Variants in LRP1B observed in about 807,000 individuals in gnomAD.
The protein encoded by LRP1B is LDL receptor related protein 1B, also known as low-density lipoprotein receptor-related protein 1B.
Under a neutral mutation model 556.6 loss-of-function variants are expected in LRP1B, and 217 were observed. The ratio of observed to expected loss-of-function variants is 0.39; its 90% CI spans 0.35 to 0.44. The LOEUF is 0.44. Ranked by LOEUF, LRP1B falls within the 20% of genes least tolerant of loss-of-function variation. LRP1B has a pLI of 1.00. For synonymous variants in LRP1B, 2,047 were observed against 1,865.8 expected, an observed-to-expected ratio of 1.10 and a Z score of -2.50; for missense variants, 5,053 against 5,620.8, an observed-to-expected ratio of 0.90 and a Z score of 3.23.
At position 141,528,906 on chromosome 2, in the gene LRP1B, TAATA is replaced by T. The variant is rs1684782657; in HGVS notation, c.206-48377_206-48374del. Among the ~76,000 whole-genome samples the T allele has an allele frequency of 4.6e-5, 7 of 152,300 alleles. No homozygotes were observed. In the South Asian group the frequency reaches 1.2e-3, roughly 27 times the overall value. On this transcript the variant is annotated intron_variant, in intron 2 of 90. Transcript: ENST00000389484. ...CCACATATAAAGATCTTCTATTTAA[TAATA>T]AATAACAATTCTAACTGCATTTTGT... is the stretch of plus-strand genomic sequence containing the variant.
chr2:141,605,509 T>C (rs1687886764), intron 2 of LRP1B, among the ~76,000 whole-genome samples: 1 of 152,162 alleles, frequency 6.6e-6, no homozygotes, highest in Non-Finnish European at 1.5e-5. Context: ...CTGATACCTC[T>C]ATAGCTAAGT....
Position 140,630,858 on chromosome 2 carries a change from G to A in LRP1B, c.6800-29219C>T, listed in dbSNP as rs142967510. On this transcript the variant is annotated intron_variant, in intron 41 of 90. Transcript: ENST00000389484. ...AGTGTCTCACCTAAGGAGTTGGGAA[G>A]CTGAGGAAAACTTGTGAAGGTCACA... is the stretch of plus-strand genomic sequence containing the variant. Among the ~76,000 whole-genome samples, 464 of 152,280 alleles carry A rather than the reference G, an allele frequency of 3.0e-3. 2 individuals carry two copies. Among genetic ancestry groups the A allele is most frequent in the African/African-American group, 0.011 (450 of 41,554 alleles).
chr2:141,524,932 T>G (rs1684646323), intron 2 of LRP1B, among the ~76,000 whole-genome samples: 1 of 152,130 alleles, frequency 6.6e-6, no homozygotes, highest in East Asian at 1.9e-4. Context: ...AGAAAGAATC[T>G]AGTAATGAGC....
intron 66 of LRP1B, among the ~76,000 whole-genome samples, chr2:140,437,097 C>T (rs1686216015): frequency 6.6e-6 from 1 of 152,042 alleles, no homozygotes; most frequent in Admixed American, 6.6e-5. Flanking sequence ...AGCAGCAGCT[C>T]ATCAAGAATA....
intron 3 of LRP1B, among the ~76,000 whole-genome samples, chr2:141,269,051 A>G (rs1328089003): frequency 6.6e-6 from 1 of 152,212 alleles, no homozygotes; most frequent in African/African-American, 2.4e-5. Flanking sequence ...CCCCAGCTCC[A>G]GAGCCATGAT....
chr2:141,324,199 CAT>C (rs1687357484), intron 3 of LRP1B, among the ~76,000 whole-genome samples: 4 of 152,014 alleles, frequency 2.6e-5, no homozygotes, highest in Non-Finnish European at 5.9e-5. Context: ...CACATACACA[CAT>C]ACCTGAACAA....
At chr2:141,959,406 TC>T (rs2105051113) in intron 1 of LRP1B, among the ~76,000 whole-genome samples, 1 of 152,054 alleles carries the variant, frequency 6.6e-6, no homozygotes, top group African/African-American at 2.4e-5. Context: ...CAACTACCAT[TC>T]CTGGTGACTG....
intron 1 of LRP1B, among the ~76,000 whole-genome samples, chr2:141,890,378 G>GTATATATACATATGTATGTATTGTGTATA: frequency 8.0e-6 from 1 of 125,430 alleles, no homozygotes; most frequent in South Asian, 2.3e-4. Flanking sequence ...TATATAGTGT[G>GTATATATACATATGTATGTATTGTGTATA]TATACATATA....
chr2:141,848,689 A>G (rs1199024207), intron 1 of LRP1B, among the ~76,000 whole-genome samples: 2 of 151,616 alleles, frequency 1.3e-5, no homozygotes, highest in East Asian at 1.9e-4. Context: ...TTATATTTAT[A>G]TATACACAAG....
At chr2:141,451,037 G>A (rs1681402170) in intron 3 of LRP1B, among the ~76,000 whole-genome samples, 1 of 152,172 alleles carries the variant, frequency 6.6e-6, no homozygotes, top group South Asian at 2.1e-4. Flanking sequence ...AATATCTAAT[G>A]ACTATAATTC....
chr2:141,600,375 C>G (rs1687682210), intron 2 of LRP1B, among the ~76,000 whole-genome samples: 3 of 152,252 alleles, frequency 2.0e-5, no homozygotes, highest in Admixed American at 2.0e-4. Flanking sequence ...AAACATTGGT[C>G]AGAGATTTAT....
At position 142,102,585 on chromosome 2, in the gene LRP1B, A is replaced by G. The variant is rs1706607484; in HGVS notation, c.82+28063T>C. Reference sequence around the variant, plus strand: ...ATAAAAAAGTAATTACATTCTTAAAATTACTTAAAGAAAATGTGGATTCAT... The same window carrying G: ...ATAAAAAAGTAATTACATTCTTAAAGTTACTTAAAGAAAATGTGGATTCAT... On this transcript the variant is annotated intron_variant, in intron 1 of 90. Coordinates refer to ENST00000389484, the MANE Select transcript of LRP1B (RefSeq NM_018557.3). 2.0e-5 allele frequency among the ~76,000 whole-genome samples: 3 copies of G among 151,854 alleles called. 1 individual carries two copies. In the South Asian group the frequency reaches 6.2e-4, roughly 31 times the overall value.
intron 1 of LRP1B, among the ~76,000 whole-genome samples, chr2:141,944,865 A>C (rs907511676): frequency 1.3e-5 from 2 of 152,190 alleles, no homozygotes; most frequent in African/African-American, 2.4e-5. Context: ...AGGTATGTGT[A>C]TATACCTTAT....
intron 1 of LRP1B, among the ~76,000 whole-genome samples, chr2:141,816,753 T>C (rs761571680): frequency 1.3e-5 from 2 of 152,098 alleles, no homozygotes; most frequent in South Asian, 2.1e-4. Context: ...CACATGTATA[T>C]AGAGATATAC....
chr2:141,608,542 G>A (rs953653048), intron 2 of LRP1B, among the ~76,000 whole-genome samples: 2 of 152,056 alleles, frequency 1.3e-5, no homozygotes, highest in African/African-American at 4.8e-5. Context: ...ATGTTCACAG[G>A]AATTATATGG....
intron 3 of LRP1B, among the ~76,000 whole-genome samples, chr2:141,476,663 T>G (rs1396444187): frequency 6.6e-6 from 1 of 152,186 alleles, no homozygotes; most frequent in Non-Finnish European, 1.5e-5. Flanking sequence ...TTCATTATCT[T>G]TACTAGAAAG....
chr2:142,100,184 T>C lies in LRP1B; in HGVS notation c.82+30464A>G, dbSNP rs147486497. On this transcript the variant is annotated intron_variant, in intron 1 of 90. Coordinates refer to ENST00000389484, the MANE Select transcript of LRP1B (RefSeq NM_018557.3). ...ACCCATCTAAAATTAGATCTACGTT[T>C]GAAACCTGGAAGGAAGTGTAGGGTT... Among the ~76,000 whole-genome samples the C allele has an allele frequency of 3.5e-3, 530 of 152,082 alleles. 2 individuals are homozygous for C. The highest frequency in any genetic ancestry group is 0.012 in the African/African-American group (482 of 41,526).
chr2:141,482,153 A>G (rs547171787), intron 2 of LRP1B, among the ~76,000 whole-genome samples: 13 of 152,264 alleles, frequency 8.5e-5, no homozygotes, highest in African/African-American at 2.9e-4. Context: ...GAAAACAAAA[A>G]TATCATACAA....
At chr2:141,064,389 G>T (rs888173310) in intron 7 of LRP1B, among the ~76,000 whole-genome samples, 3 of 151,822 alleles carry the variant, frequency 2.0e-5, no homozygotes, top group Non-Finnish European at 4.4e-5. Context: ...ATTCATTCAA[G>T]AAATTTTTCA....
Sources: allele counts gnomAD v4.1 joint callset (sites outside exome capture counted in the v4.1 genomes callset), GRCh38; gene constraint gnomAD v4.1.1; transcripts MANE v1.5; gene names NCBI Gene and HGNC (gene_info 2026-07-23, HGNC 2026-07-21).